The following AOAH variants were observed in gnomAD, a reference collection of about 807,000 sequenced individuals.
The protein encoded by AOAH is acyloxyacyl hydrolase.
A neutral mutation model predicts 92.2 loss-of-function variants in AOAH; 64 were observed. That is an observed-to-expected ratio of 0.69 (90% confidence interval 0.57 to 0.86). The LOEUF is 0.86. AOAH is among the 40% of genes least tolerant of loss of function. The pLI, the probability that AOAH is intolerant of heterozygous loss-of-function variation, is 0.00. For synonymous variants in AOAH, 263 were observed against 254.5 expected (o/e 1.03, Z -0.32); for missense variants, 656 against 694.6 (o/e 0.94, Z 0.62).
At chr7:36,599,296 T>A (rs1790373314) in intron 11 of AOAH, among the ~76,000 whole-genome samples, 1 of 152,192 alleles carries the variant, frequency 6.6e-6, no homozygotes, top group South Asian at 2.1e-4. Flanking sequence ...GCAATTGATG[T>A]TCTTAAAGCT....
intron 20 of AOAH, among the ~76,000 whole-genome samples, chr7:36,519,054 T>C (rs1480355359): frequency 6.6e-6 from 1 of 152,018 alleles, no homozygotes; most frequent in African/African-American, 2.4e-5. Context: ...TCTCCGTCTC[T>C]CTGGACTGGT....
intron 1 of AOAH, among the ~76,000 whole-genome samples, chr7:36,717,638 T>C (rs1025522535): frequency 4.6e-5 from 7 of 152,064 alleles, no homozygotes; most frequent in African/African-American, 1.4e-4. Flanking sequence ...TTTTGTTTCC[T>C]AGCTTGATTT....
intron 11 of AOAH, among the ~76,000 whole-genome samples, chr7:36,608,910 A>AGGGGGGGGGGGCGGGGG (rs1198057785): frequency 5.8e-5 from 1 of 17,236 alleles, no homozygotes; most frequent in Non-Finnish European, 1.7e-4. Context: ...TGCGGCGGGG[A>AGGGGGGGGGGGCGGGGG]GGGGGGGGGG....
intron 2 of AOAH, among the ~76,000 whole-genome samples, chr7:36,679,101 T>G (rs961987139): frequency 2.6e-5 from 4 of 152,090 alleles, no homozygotes; most frequent in Non-Finnish European, 5.9e-5. Context: ...TATCATACAT[T>G]GGGTGTATAC....
At chr7:36,668,336 C>T (rs1795688604) in intron 3 of AOAH, among the ~76,000 whole-genome samples, 1 of 152,176 alleles carries the variant, frequency 6.6e-6, no homozygotes, top group African/African-American at 2.4e-5. Flanking sequence ...ACGTCTAGCT[C>T]CAGCAATTTG....
intron 12 of AOAH, among the ~76,000 whole-genome samples, chr7:36,579,379 C>T (rs1039799635): frequency 1.8e-4 from 22 of 125,384 alleles, no homozygotes; most frequent in Non-Finnish European, 3.5e-4. Flanking sequence ...CCCGCCCCCC[C>T]CAAATTGTGA....
intron 11 of AOAH, chr7:36,598,004 T>C (rs1472662119): frequency 6.6e-6 from 1 of 152,128 alleles, no homozygotes; most frequent in Non-Finnish European, 1.5e-5. Flanking sequence ...GATGAACTTC[T>C]TGTCTTCAGT....
chr7:36,686,473 A>G (rs939642348), intron 2 of AOAH, among the ~76,000 whole-genome samples: 10 of 152,244 alleles, frequency 6.6e-5, no homozygotes, highest in Admixed American at 2.0e-4. Context: ...CTAAGGGTCC[A>G]CAGCAATTTC....
intron 1 of AOAH, among the ~76,000 whole-genome samples, chr7:36,703,458 A>G (rs1584153848): frequency 6.6e-6 from 1 of 152,258 alleles, no homozygotes; most frequent in Admixed American, 6.5e-5. Flanking sequence ...GGTTTGTTAC[A>G]TGGGTATACA....
intron 7 of AOAH, among the ~76,000 whole-genome samples, chr7:36,622,344 T>G (rs561847211): frequency 6.6e-6 from 1 of 152,210 alleles, no homozygotes; most frequent in South Asian, 2.1e-4. Context: ...CATTGGATAA[T>G]TTAAAAGTCT....
chr7:36,602,156 A>T (rs1015788981), intron 11 of AOAH, among the ~76,000 whole-genome samples: 1 of 152,240 alleles, frequency 6.6e-6, no homozygotes, highest in Non-Finnish European at 1.5e-5. Flanking sequence ...CAAATAAAAA[A>T]TTCTAGCAAA....
Position 36,513,150 on chromosome 7 carries a change from C to G in AOAH, c.*102G>C, listed in dbSNP as rs1040984883. The G allele has an allele frequency of 5.0e-6, 8 of 1,612,672 alleles. No individual in the cohort carries two copies. The Admixed American group carries it at 6.7e-5, about 13-fold the overall frequency. On this transcript the variant is annotated 3_prime_UTR_variant, in exon 21 of 21. Transcript: ENST00000617537. ...TGCAAAGATGCTGCTGAAGAAGAGT[C>G]CTTTGGGCCTGTGACGTGGCAGCCC...
At chr7:36,643,981 T>G (rs542767021) in intron 4 of AOAH, among the ~76,000 whole-genome samples, 1 of 152,344 alleles carries the variant, frequency 6.6e-6, no homozygotes, top group South Asian at 2.1e-4. Context: ...CTCTATAAAT[T>G]ACCTATTTCA....
intron 3 of AOAH, among the ~76,000 whole-genome samples, chr7:36,659,755 C>CTTTTTTTTTTTT (rs112482487): frequency 2.0e-4 from 25 of 127,898 alleles, no homozygotes; most frequent in African/African-American, 2.1e-4. Context: ...TTTTTTCTTT[C>CTTTTTTTTTTTT]TTTTTTTTTT....
chr7:36,530,307 A>G, intron 19 of AOAH, 111 bp downstream of exon 19: 1 of 719,552 alleles, frequency 1.4e-6, no homozygotes, highest in South Asian at 1.7e-5. Flanking sequence ...GGCAGGAGTA[A>G]CCCTGCCGAA....
chr7:36,712,840 A>G (rs1798856542), intron 1 of AOAH, among the ~76,000 whole-genome samples: 1 of 152,190 alleles, frequency 6.6e-6, no homozygotes, highest in Non-Finnish European at 1.5e-5. Context: ...AGCACTAAAC[A>G]TGGAAAGGAA....
At chr7:36,654,634 T>C (rs1160419337) in intron 4 of AOAH, among the ~76,000 whole-genome samples, 1 of 152,162 alleles carries the variant, frequency 6.6e-6, no homozygotes, top group African/African-American at 2.4e-5. Flanking sequence ...CCCTGCAGCA[T>C]GTATATCACA....
At chr7:36,649,671 G>C (rs567737575) in intron 4 of AOAH, among the ~76,000 whole-genome samples, 14 of 152,276 alleles carry the variant, frequency 9.2e-5, no homozygotes, top group Admixed American at 2.6e-4. Flanking sequence ...CCATTGTTTG[G>C]GAGCTCTGTT....
intron 13 of AOAH, among the ~76,000 whole-genome samples, chr7:36,564,226 C>T (rs144564324): frequency 1.5e-3 from 234 of 152,234 alleles, no homozygotes; most frequent in African/African-American, 5.0e-3. Flanking sequence ...AATTTTAACT[C>T]GTATGTAAAG....
Sources: gnomAD v4.1 joint callset for allele counts (sites outside exome capture counted in the v4.1 genomes callset) on GRCh38, gnomAD v4.1.1 for gene constraint, MANE v1.5 for transcripts, NCBI Gene and HGNC (gene_info 2026-07-23, HGNC 2026-07-21) for gene names.